Variants in GPC5 observed in about 807,000 individuals in gnomAD.
GPC5 encodes the protein glypican 5, also known as glypican-5.
Under a neutral mutation model 53.9 loss-of-function variants are expected in GPC5, and 47 were observed. The observed-to-expected ratio is 0.87, with a 90% CI of 0.69 to 1.11. The LOEUF (loss-of-function observed/expected upper bound fraction) is 1.11. Ranked by LOEUF, GPC5 falls within the 50% of genes most tolerant of loss-of-function variation. The probability of loss-of-function intolerance (pLI) is 0.00; values close to 1 mark genes in which losing one functional copy is unlikely to be tolerated. For missense variants in GPC5, 748 were observed against 713.1 expected (o/e 1.05, Z -0.56); for synonymous variants, 286 against 263.3 (o/e 1.09, Z -0.84).
chr13:92,525,050 T>C (rs1193026522), intron 7 of GPC5, among the ~76,000 whole-genome samples: 1 of 152,054 alleles, frequency 6.6e-6, no homozygotes. Context: ...TTTTGTGCCA[T>C]CTTAAATGCA....
At chr13:91,606,289 A>G (rs943690941) in intron 2 of GPC5, among the ~76,000 whole-genome samples, 19 of 150,604 alleles carry the variant, frequency 1.3e-4, no homozygotes, top group Non-Finnish European at 2.8e-4. Context: ...CCAGCCTTGC[A>G]TCCCAGGGAT....
intron 7 of GPC5, among the ~76,000 whole-genome samples, chr13:92,333,564 T>C (rs2043302457): frequency 6.6e-6 from 1 of 152,098 alleles, no homozygotes; most frequent in Non-Finnish European, 1.5e-5. Flanking sequence ...TGAAGTTCAC[T>C]TCTGATGTCT....
chr13:92,566,857 C>T (rs1275508527), intron 7 of GPC5, among the ~76,000 whole-genome samples: 1 of 152,032 alleles, frequency 6.6e-6, no homozygotes, highest in Non-Finnish European at 1.5e-5. Flanking sequence ...AAGAGATTAC[C>T]AAATTTGTCA....
intron 7 of GPC5, among the ~76,000 whole-genome samples, chr13:92,738,986 GC>G (rs1328560841): frequency 1.3e-5 from 2 of 152,004 alleles, no homozygotes; most frequent in Non-Finnish European, 2.9e-5. Flanking sequence ...TTCGGTCCTT[GC>G]CTTGTCATAA....
At chr13:91,842,182 AAC>A (rs2038795027) in intron 5 of GPC5, among the ~76,000 whole-genome samples, 1 of 152,028 alleles carries the variant, frequency 6.6e-6, no homozygotes, top group Non-Finnish European at 1.5e-5. Context: ...AAGGAATGAG[AAC>A]ATATACTTAG....
intron 7 of GPC5, among the ~76,000 whole-genome samples, chr13:92,553,339 C>G (rs139305363): frequency 6.6e-6 from 1 of 151,914 alleles, no homozygotes; most frequent in African/African-American, 2.4e-5. Context: ...TATTGTATTA[C>G]TTTAGTCCTC....
chr13:91,690,368 C>T (rs1243535836), intron 2 of GPC5, among the ~76,000 whole-genome samples: 1 of 152,020 alleles, frequency 6.6e-6, no homozygotes, highest in East Asian at 1.9e-4. Flanking sequence ...AGAAAAACTA[C>T]TCTAAAATCA....
chr13:91,558,999 T>G (rs1004739201), intron 2 of GPC5, among the ~76,000 whole-genome samples: 1 of 152,094 alleles, frequency 6.6e-6, no homozygotes, highest in African/African-American at 2.4e-5. Flanking sequence ...GAACACTTAC[T>G]GGTCAAATTA....
intron 7 of GPC5, among the ~76,000 whole-genome samples, chr13:92,218,875 A>G (rs1171032839): frequency 6.6e-6 from 1 of 152,206 alleles, no homozygotes; most frequent in Non-Finnish European, 1.5e-5. Flanking sequence ...ACACTAAAGC[A>G]GTTTGTTAAT....
At chr13:91,772,044 G>A (rs1266269061) in intron 5 of GPC5, among the ~76,000 whole-genome samples, 8 of 152,120 alleles carry the variant, frequency 5.3e-5, no homozygotes, top group Non-Finnish European at 8.8e-5. Context: ...AGGACTAACC[G>A]AACACTGCTT....
chr13:91,507,054 T>C (rs1362704727), intron 2 of GPC5, among the ~76,000 whole-genome samples: 1 of 152,110 alleles, frequency 6.6e-6, no homozygotes, highest in African/African-American at 2.4e-5. Context: ...TTCAAATATG[T>C]GTATATATCT....
chr13:92,009,749 C>G (rs1329068413), intron 6 of GPC5, among the ~76,000 whole-genome samples: 1 of 152,150 alleles, frequency 6.6e-6, no homozygotes, highest in African/African-American at 2.4e-5. Context: ...ACTTGAAAAC[C>G]CCATTTCTTA....
chr13:91,838,530 A>G (rs1373240875), intron 5 of GPC5, among the ~76,000 whole-genome samples: 1 of 151,968 alleles, frequency 6.6e-6, no homozygotes, highest in Non-Finnish European at 1.5e-5. Flanking sequence ...TGTAAATGTT[A>G]AAATCAAGGA....
chr13:92,721,422 T>C (rs1390568035), intron 7 of GPC5: 1 of 152,050 alleles, frequency 6.6e-6, no homozygotes, highest in African/African-American at 2.4e-5. Context: ...AAAACTGGTA[T>C]CCAAAATCCA....
intron 7 of GPC5, among the ~76,000 whole-genome samples, chr13:92,810,449 T>C (rs982907341): frequency 6.6e-6 from 1 of 151,948 alleles, no homozygotes; most frequent in Non-Finnish European, 1.5e-5. Context: ...ATATTTAACA[T>C]AAAATTAACC....
chr13:91,672,032 C>T lies in GPC5; in HGVS notation c.326-21155C>T, dbSNP rs187875639. Reference sequence around the variant, plus strand: ...CAGTAAATGGTGCTGGGAAAACTGGCTAGCCATATGCAGAAAACTGAAACT... The same window carrying T: ...CAGTAAATGGTGCTGGGAAAACTGGTTAGCCATATGCAGAAAACTGAAACT... On this transcript the variant is annotated intron_variant, in intron 2 of 7. Transcript: ENST00000377067. Among the ~76,000 whole-genome samples, 258 of 152,190 alleles carry T rather than the reference C, an allele frequency of 1.7e-3. 1 individual carries two copies. Among genetic ancestry groups the T allele is most frequent in the African/African-American group, 5.9e-3 (244 of 41,518 alleles).
chr13:91,401,102 G>A (rs1031295414), intron 1 of GPC5, among the ~76,000 whole-genome samples: 1 of 152,126 alleles, frequency 6.6e-6, no homozygotes, highest in Non-Finnish European at 1.5e-5. Flanking sequence ...GAAATGCTAA[G>A]TTCCTTTAAT....
chr13:91,783,689 G>A (rs1447084889), intron 5 of GPC5, among the ~76,000 whole-genome samples: 3 of 152,038 alleles, frequency 2.0e-5, no homozygotes, highest in Non-Finnish European at 2.9e-5. Flanking sequence ...CGATCTGCCC[G>A]CCCTGGCCTC....
intron 6 of GPC5, among the ~76,000 whole-genome samples, chr13:91,930,074 A>G (rs940253420): frequency 1.3e-5 from 2 of 152,076 alleles, no homozygotes; most frequent in Non-Finnish European, 2.9e-5. Flanking sequence ...GCCCAGTAAG[A>G]AGTGAAAATG....
Sources: gnomAD v4.1 joint callset for allele counts (sites outside exome capture counted in the v4.1 genomes callset) on GRCh38, gnomAD v4.1.1 for gene constraint, MANE v1.5 for transcripts, NCBI Gene and HGNC (gene_info 2026-07-23, HGNC 2026-07-21) for gene names.